Variants in MSH4 observed in about 807,000 individuals in gnomAD.
MSH4 encodes the protein mutS protein homolog 4.
Under a neutral mutation model 113.7 loss-of-function variants are expected in MSH4, and 106 were observed. The ratio of observed to expected loss-of-function variants is 0.93; its 90% confidence interval spans 0.80 to 1.10. MSH4 has a LOEUF of 1.10. Among genes scored for constraint, MSH4 ranks in the 50% least tolerant of loss-of-function variants. The pLI is 0.00. For synonymous variants in MSH4, 368 were observed against 380.2 expected (o/e 0.97, Z 0.37); for missense variants, 1,061 against 1,093.7 (o/e 0.97, Z 0.42).
intron 7 of MSH4, among the ~76,000 whole-genome samples, chr1:75,832,280 T>A (rs951155419): frequency 1.1e-4 from 17 of 152,116 alleles, no homozygotes; most frequent in Middle Eastern, 3.2e-3. Context: ...GCTCTGAAAT[T>A]AAGGCAATAA....
chr1:75,807,603 TG>T (rs1650096673), intron 3 of MSH4, among the ~76,000 whole-genome samples: 1 of 152,186 alleles, frequency 6.6e-6, no homozygotes, highest in Admixed American at 6.5e-5. Flanking sequence ...AGTTGCATCA[TG>T]TTAGATGCAT....
intron 1 of MSH4, among the ~76,000 whole-genome samples, chr1:75,797,950 A>G (rs1431865914): frequency 6.6e-6 from 1 of 152,170 alleles, no homozygotes; most frequent in Non-Finnish European, 1.5e-5. Flanking sequence ...ACTCAAAACA[A>G]ACAAACAAAA....
At chr1:75,814,655 A>G (rs1173781134) in intron 4 of MSH4, among the ~76,000 whole-genome samples, 2 of 152,168 alleles carry the variant, frequency 1.3e-5, no homozygotes, top group Non-Finnish European at 2.9e-5. Context: ...TATACAAAAG[A>G]TTACTAAAAG....
rs999328011 is a variant in MSH4, at chr1:75,832,982, A to G, written c.1162+10401A>G. Reference sequence around the variant, plus strand: ...ATAAAGGGTATTCAATTAGGAAAAGAGGAAGTCAAATTGTCCCTGTTTGCA... The same window carrying G: ...ATAAAGGGTATTCAATTAGGAAAAGGGGAAGTCAAATTGTCCCTGTTTGCA... On this transcript the variant is annotated intron_variant, in intron 7 of 19. Coordinates refer to ENST00000263187, the MANE Select transcript of MSH4 (RefSeq NM_002440.4). Among the ~76,000 whole-genome samples the G allele has an allele frequency of 1.2e-4, 18 of 152,326 alleles. No individual in the cohort carries two copies. In the East Asian group the frequency reaches 3.3e-3, roughly 28 times the overall value.
rs778506493 is a variant in MSH4, at chr1:75,816,499, A to T, written c.942A>T (p.Ser314=). 1.2e-6 allele frequency: 2 copies of T among 1,604,072 alleles called. No individual in the cohort carries two copies. The highest frequency in any genetic ancestry group is 2.7e-5 in the African/African-American group (2 of 74,834). ...GTGAACAGACAGCCATGATAGATTC[A>T]TCATCAGCCCAAAACCTTGAATTGT... is the stretch of plus-strand genomic sequence containing the variant. ...QGSEQTAMID[S]SSAQNLELLI... Residue 314 remains serine (S), a synonymous_variant, in exon 6 of 20, where the codon TCA becomes TCT. Coordinates refer to ENST00000263187, the MANE Select transcript of MSH4 (RefSeq NM_002440.4).
chr1:75,876,802 AT>A, intron 9 of MSH4, 133 bp from the exon 10 acceptor site: 1 of 414,004 alleles, frequency 2.4e-6, no homozygotes, highest in Non-Finnish European at 4.3e-6. Flanking sequence ...CTACAAATAT[AT>A]TTTATGAGTA....
At chr1:75,820,000 G>A (rs761612275) in intron 6 of MSH4, among the ~76,000 whole-genome samples, 9 of 152,118 alleles carry the variant, frequency 5.9e-5, no homozygotes, top group Middle Eastern at 3.4e-3. Context: ...ACAGGCATGC[G>A]CCACCTTGAC....
chr1:75,878,445 G>A (rs1651861444), intron 11 of MSH4, 127 bp downstream of exon 11: 1 of 724,460 alleles, frequency 1.4e-6, no homozygotes, highest in Non-Finnish European at 2.2e-6. Context: ...CAAAACATAA[G>A]GTTAGCATGT....
intron 2 of MSH4, among the ~76,000 whole-genome samples, chr1:75,806,350 C>T (rs1167775884): frequency 2.7e-5 from 4 of 145,884 alleles, no homozygotes; most frequent in Non-Finnish European, 5.9e-5. Context: ...CGGGTTCACG[C>T]CATTCTCCTG....
At chr1:75,808,120 T>C (rs5745343) in intron 3 of MSH4, among the ~76,000 whole-genome samples, 124,782 of 152,136 alleles carry the variant, frequency 0.82, 51,951 homozygotes, top group South Asian at 0.94. Flanking sequence ...CTTGAAATCT[T>C]AGCTCTTCAG....
chr1:75,861,538 T>C (rs1298645383), intron 8 of MSH4, among the ~76,000 whole-genome samples: 1 of 152,338 alleles, frequency 6.6e-6, no homozygotes, highest in East Asian at 1.9e-4. Context: ...TGCAGGTCTG[T>C]TGGAGTTTGC....
chr1:75,908,922 G>A (rs1652729105), intron 19 of MSH4, among the ~76,000 whole-genome samples: 1 of 152,106 alleles, frequency 6.6e-6, no homozygotes, highest in Middle Eastern at 3.2e-3. Flanking sequence ...GCTGGCTAGG[G>A]GTTTATACCC....
At chr1:75,885,432 A>T (rs1489227313) in intron 15 of MSH4, among the ~76,000 whole-genome samples, 1 of 89,780 alleles carries the variant, frequency 1.1e-5, no homozygotes, top group African/African-American at 4.8e-5. Flanking sequence ...TGGTATCCTG[A>T]GTGTGTATAT....
chr1:75,828,503 T>C (rs1052410548), intron 7 of MSH4, among the ~76,000 whole-genome samples: 1 of 152,190 alleles, frequency 6.6e-6, no homozygotes, highest in Non-Finnish European at 1.5e-5. Context: ...CATGTTCTTT[T>C]TGGCAGCATG....
intron 7 of MSH4, among the ~76,000 whole-genome samples, chr1:75,831,601 C>T (rs1405054865): frequency 6.6e-6 from 1 of 152,200 alleles, no homozygotes; most frequent in African/African-American, 2.4e-5. Flanking sequence ...GACCACAGTG[C>T]AATCAAACTA....
intron 17 of MSH4, among the ~76,000 whole-genome samples, chr1:75,896,346 A>AACACACACACACACACAC (rs4035039): frequency 1.5e-5 from 2 of 137,176 alleles, no homozygotes; most frequent in Non-Finnish European, 3.2e-5. Flanking sequence ...ACACACATAC[A>AACACACACACACACACAC]ACACACACAC....
intron 11 of MSH4, 117 bp downstream of exon 11, chr1:75,878,435 C>A: frequency 2.5e-6 from 2 of 789,836 alleles, no homozygotes; most frequent in South Asian, 4.2e-5. Context: ...TTTTCGTTAC[C>A]AAAACATAAG....
chr1:75,863,983 TCC>T (rs1651513324), intron 8 of MSH4, among the ~76,000 whole-genome samples: 2 of 151,958 alleles, frequency 1.3e-5, no homozygotes, highest in African/African-American at 4.8e-5. Context: ...CCTCAAAAAT[TCC>T]CCTTCTTCTC....
intron 7 of MSH4, among the ~76,000 whole-genome samples, chr1:75,826,572 T>C (rs932487850): frequency 1.3e-5 from 2 of 152,190 alleles, no homozygotes; most frequent in African/African-American, 2.4e-5. Flanking sequence ...ATTTGAGATC[T>C]TTTCCACTCT....
Sources: allele counts gnomAD v4.1 joint callset (sites outside exome capture counted in the v4.1 genomes callset), GRCh38; gene constraint gnomAD v4.1.1; transcripts MANE v1.5; gene names NCBI Gene and HGNC (gene_info 2026-07-23, HGNC 2026-07-21).